The following GTF2IRD1 variants were observed in gnomAD, a reference collection of about 807,000 sequenced individuals.
GTF2IRD1 encodes the protein GTF2I repeat domain containing 1, also known as general transcription factor II-I repeat domain-containing protein 1.
In GTF2IRD1, 26 loss-of-function variants were observed where a neutral mutation model predicts 113.2. The ratio of observed to expected loss-of-function variants is 0.23; its 90% CI spans 0.17 to 0.32. The LOEUF is 0.32. Among genes scored for constraint, GTF2IRD1 ranks in the 10% least tolerant of loss-of-function variants. The pLI is 1.00. For missense variants in GTF2IRD1, 864 were observed against 1,280.8 expected, an observed-to-expected ratio of 0.67 and a Z score of 4.97; for synonymous variants, 484 against 529.1, an observed-to-expected ratio of 0.91 and a Z score of 1.17.
At chr7:74,564,239 C>G (rs1429079260) in intron 22 of GTF2IRD1, among the ~76,000 whole-genome samples, 1 of 152,158 alleles carries the variant, frequency 6.6e-6, no homozygotes, top group Non-Finnish European at 1.5e-5. Flanking sequence ...GTTGGCCAGG[C>G]TGATCTCAAA....
intron 1 of GTF2IRD1, among the ~76,000 whole-genome samples, chr7:74,460,090 C>T (rs1387830990): frequency 6.6e-6 from 1 of 151,716 alleles, no homozygotes; most frequent in Non-Finnish European, 1.5e-5. Context: ...ATCCTTCTGG[C>T]TCAGTCTCCC....
chr7:74,569,703 G>A (rs587735143), intron 22 of GTF2IRD1, among the ~76,000 whole-genome samples: 6 of 152,314 alleles, frequency 3.9e-5, no homozygotes, highest in African/African-American at 1.4e-4. Flanking sequence ...GTGTTGAGAA[G>A]GTCTGAACCC....
At chr7:74,509,200 T>C (rs902665820) in intron 2 of GTF2IRD1, among the ~76,000 whole-genome samples, 1 of 151,260 alleles carries the variant, frequency 6.6e-6, no homozygotes, top group Non-Finnish European at 1.5e-5. Context: ...CTAGTAAAAA[T>C]ATAAAAATTA....
At chr7:74,540,147 C>T (rs1433170450) in intron 14 of GTF2IRD1, among the ~76,000 whole-genome samples, 179 bp downstream of exon 14, 2 of 151,934 alleles carry the variant, frequency 1.3e-5, no homozygotes, top group African/African-American at 2.4e-5. Flanking sequence ...CTCAAGTAGG[C>T]TCTATTTATT....
intron 8 of GTF2IRD1, among the ~76,000 whole-genome samples, chr7:74,526,349 G>A (rs587678141): frequency 6.6e-6 from 1 of 152,298 alleles, no homozygotes; most frequent in East Asian, 1.9e-4. Flanking sequence ...GCCCAGTACT[G>A]GGGACCCCAC....
At chr7:74,599,289 G>A (rs1466820310) in intron 25 of GTF2IRD1, among the ~76,000 whole-genome samples, 2 of 152,078 alleles carry the variant, frequency 1.3e-5, no homozygotes, top group Non-Finnish European at 2.9e-5. Context: ...GACAATAAAA[G>A]CCCTTCTTTA....
intron 1 of GTF2IRD1, among the ~76,000 whole-genome samples, chr7:74,502,535 C>T (rs1796084671): frequency 6.6e-6 from 1 of 152,220 alleles, no homozygotes; most frequent in African/African-American, 2.4e-5. Flanking sequence ...TTCACTGTCA[C>T]CCTGGCCCCA....
At chr7:74,526,802 G>A (rs1296124109) in intron 8 of GTF2IRD1, among the ~76,000 whole-genome samples, 2 of 152,156 alleles carry the variant, frequency 1.3e-5, no homozygotes, top group Non-Finnish European at 2.9e-5. Context: ...TGGGAGGTGG[G>A]GGGGAAGTGG....
chr7:74,520,842 C>CTATTAT (rs200488760), intron 6 of GTF2IRD1, among the ~76,000 whole-genome samples: 14,890 of 128,890 alleles, frequency 0.12, 938 homozygotes, highest in East Asian at 0.17. Flanking sequence ...GTTATATATA[C>CTATTAT]TATTATTATT....
Position 74,519,436 on chromosome 7 carries a change from G to T in GTF2IRD1, c.633G>T (p.Ser211=), listed in dbSNP as rs782730285. 1.9e-6 allele frequency: 3 copies of T among 1,540,898 alleles called. No individual in the cohort carries two copies. The highest frequency in any genetic ancestry group is 4.1e-5 in the Admixed American group (2 of 48,600). The change falls in exon 6 of 27, where the codon TCG becomes TCT. Residue 211 remains serine (S), a synonymous_variant. Transcript: ENST00000424337. ...CACTTGAGGATGGCGGGCGGGACTCGAAGGCCCTGGTGGAGCTGAACGGTG... is the reference window on the plus strand; with the variant it reads ...CACTTGAGGATGGCGGGCGGGACTCTAAGGCCCTGGTGGAGCTGAACGGTG... The part of the protein sequence containing the change: ...KRPLEDGGRD[S]KALVELNGVS...
intron 6 of GTF2IRD1, among the ~76,000 whole-genome samples, chr7:74,520,298 G>A (rs587613139): frequency 1.7e-4 from 26 of 151,998 alleles, no homozygotes; most frequent in African/African-American, 5.8e-4. Flanking sequence ...AGTAGGTCCT[G>A]GGGTGAACAG....
At position 74,529,996 on chromosome 7, in the gene GTF2IRD1, G is replaced by T. The variant is rs1326098223; in HGVS notation, c.1274+79G>T. ...AGGCCAAGGCAGGCAGATCGCTTGAGGCCAGGAGTTCGAGACCAGCCTGGT... is the reference window on the plus strand; with the variant it reads ...AGGCCAAGGCAGGCAGATCGCTTGATGCCAGGAGTTCGAGACCAGCCTGGT... On this transcript the variant is annotated intron_variant, in intron 9 of 26. Transcript: ENST00000424337. 5 of 1,089,002 alleles carry T rather than the reference G, an allele frequency of 4.6e-6. No homozygotes were observed. In the African/African-American group the frequency reaches 4.7e-5, roughly 10 times the overall value. 67.5% of individuals were successfully genotyped at this position (1,089,002 alleles called of 1,614,324 possible).
intron 7 of GTF2IRD1, among the ~76,000 whole-genome samples, chr7:74,521,858 G>A (rs587703504): frequency 4.2e-4 from 64 of 152,276 alleles, no homozygotes; most frequent in African/African-American, 1.3e-3. Flanking sequence ...TTGGGAATTC[G>A]GGACTGGCCG....
chr7:74,593,919 G>C (rs1477318932), intron 24 of GTF2IRD1, among the ~76,000 whole-genome samples: 1 of 150,120 alleles, frequency 6.7e-6, no homozygotes, highest in Non-Finnish European at 1.5e-5. Flanking sequence ...ATAAAAATAG[G>C]CTGGGCGTGG....
chr7:74,474,069 C>G (rs1399761979), intron 1 of GTF2IRD1, among the ~76,000 whole-genome samples: 2 of 87,542 alleles, frequency 2.3e-5, no homozygotes, highest in Non-Finnish European at 5.3e-5. Flanking sequence ...ACTAAAAATA[C>G]AAAAAAAAAA....
intron 1 of GTF2IRD1, among the ~76,000 whole-genome samples, chr7:74,474,083 AAAC>A (rs869156819): frequency 1.0e-4 from 3 of 29,486 alleles, no homozygotes; most frequent in Non-Finnish European, 3.3e-4. Context: ...AAAAAAAAAC[AAAC>A]AAAAAAATTA....
intron 1 of GTF2IRD1, among the ~76,000 whole-genome samples, chr7:74,466,251 G>A (rs927759705): frequency 7.9e-5 from 12 of 152,134 alleles, no homozygotes; most frequent in Non-Finnish European, 1.6e-4. Flanking sequence ...GGGAGACAAT[G>A]CCACTCCCAG....
At chr7:74,515,877 C>T (rs587738850) in intron 4 of GTF2IRD1, among the ~76,000 whole-genome samples, 1 of 152,256 alleles carries the variant, frequency 6.6e-6, no homozygotes, top group South Asian at 2.1e-4. Context: ...GCCACGGTCT[C>T]CCTGCTTCCA....
intron 11 of GTF2IRD1, among the ~76,000 whole-genome samples, chr7:74,537,509 A>G (rs1798369970): frequency 1.3e-5 from 2 of 151,824 alleles, no homozygotes; most frequent in South Asian, 4.1e-4. Context: ...ACATGCATAC[A>G]TACATACCAA....
Sources: gnomAD v4.1 joint callset for allele counts (sites outside exome capture counted in the v4.1 genomes callset) on GRCh38, gnomAD v4.1.1 for gene constraint, MANE v1.5 for transcripts, NCBI Gene and HGNC (gene_info 2026-07-23, HGNC 2026-07-21) for gene names.